CDH23: variants seen among roughly 807,000 people sequenced by gnomAD.
The protein encoded by CDH23 is cadherin-23.
Under a neutral mutation model 317.1 loss-of-function variants are expected in CDH23, and 189 were observed. The observed-to-expected ratio is 0.60, with a 90% confidence interval of 0.53 to 0.67. CDH23 has a LOEUF of 0.67. CDH23 is among the 30% of genes least tolerant of loss of function. The probability of loss-of-function intolerance (pLI) is 0.00; values close to 1 mark genes in which losing one functional copy is unlikely to be tolerated. For synonymous variants in CDH23, 1,839 were observed against 1,876.8 expected, an observed-to-expected ratio of 0.98 and a Z score of 0.52; for missense variants, 4,401 against 4,592.4, an observed-to-expected ratio of 0.96 and a Z score of 1.20.
intron 14 of CDH23, among the ~76,000 whole-genome samples, chr10:71,663,580 T>C (rs554715368): frequency 3.7e-4 from 57 of 152,348 alleles, no homozygotes; most frequent in African/African-American, 1.3e-3. Context: ...TTGCCCCGTG[T>C]GGGAACTGTG....
intron 22 of CDH23, among the ~76,000 whole-genome samples, chr10:71,700,658 C>T (rs1253708516): frequency 2.0e-5 from 3 of 152,150 alleles, no homozygotes; most frequent in East Asian, 1.9e-4. Flanking sequence ...TTTGGTGCTG[C>T]GAGGCTGGGA....
intron 8 of CDH23, among the ~76,000 whole-genome samples, chr10:71,575,084 TCGTAGACA>T (rs1858094156): frequency 6.6e-6 from 1 of 152,050 alleles, no homozygotes; most frequent in Non-Finnish European, 1.5e-5. Context: ...CAGTGGAACA[TCGTAGACA>T]CTCCACTAGT....
intron 3 of CDH23, among the ~76,000 whole-genome samples, chr10:71,452,469 G>A (rs571443080): frequency 3.9e-5 from 6 of 152,198 alleles, no homozygotes; most frequent in African/African-American, 7.2e-5. Context: ...TTGCACTGCC[G>A]TGCCCTCAAC....
intron 22 of CDH23, among the ~76,000 whole-genome samples, chr10:71,696,914 A>T (rs528346889): frequency 2.0e-5 from 3 of 152,238 alleles, no homozygotes; most frequent in African/African-American, 7.2e-5. Context: ...TGGGCACTGC[A>T]CTGGCCCAGG....
chr10:71,664,000 C>CA (rs772733185), intron 14 of CDH23, among the ~76,000 whole-genome samples: 7,762 of 90,360 alleles, frequency 0.086, 670 homozygotes, highest in African/African-American at 0.27. Flanking sequence ...GACTCTGTCT[C>CA]AAAAAAAAAA....
Position 71,677,628 on chromosome 10 carries a change from A to G in CDH23, c.1687A>G (p.Lys563Glu). The G allele has an allele frequency of 6.3e-7, 1 of 1,597,266 alleles. No individual in the cohort carries two copies. The highest frequency in any genetic ancestry group is 8.5e-7 in the Non-Finnish European group (1 of 1,172,326). Reference sequence around the variant, plus strand: ...CAACGACAACGTGCCCACCTTCCAGAAGGATGCCTACGTGGGTGCTCTGCG... The same window carrying G: ...CAACGACAACGTGCCCACCTTCCAGGAGGATGCCTACGTGGGTGCTCTGCG... ...DVNDNVPTFQKDAYVGALREN... is the reference protein window; with the variant it reads ...DVNDNVPTFQEDAYVGALREN... The change falls in exon 16 of 70, where the codon AAG (lysine) becomes GAG (glutamate). Residue 563 changes from lysine to glutamate, a missense_variant. Lys to Glu is a moderately conservative substitution (Grantham distance 56). Coordinates refer to ENST00000224721, the MANE Select transcript of CDH23 (RefSeq NM_022124.6).
chr10:71,814,173 G>C (rs1408325608), intron 69 of CDH23, among the ~76,000 whole-genome samples: 1 of 152,230 alleles, frequency 6.6e-6, no homozygotes, highest in Non-Finnish European at 1.5e-5. Flanking sequence ...GAGGTGATCT[G>C]CTTGAGGCCA....
intron 6 of CDH23, among the ~76,000 whole-genome samples, chr10:71,563,752 T>G (rs1378676819): frequency 6.6e-6 from 1 of 150,556 alleles, no homozygotes; most frequent in Non-Finnish European, 1.5e-5. Flanking sequence ...TTTTCTTTTT[T>G]TTTTTTTCTT....
rs1487599802 is a variant in CDH23, at chr10:71,759,818, T to TACACACACACACACACACAC, written c.4846-17861_4846-17860insCACACACACACACACACACA. ...CAGAGTGAAACCGTGTTTCAGAAAA[T>TACACACACACACACACACAC]ATACACACACACACACACACACACA... On this transcript the variant is annotated intron_variant, in intron 38 of 69. Coordinates refer to ENST00000224721, the MANE Select transcript of CDH23 (RefSeq NM_022124.6). Among the ~76,000 whole-genome samples the TACACACACACACACACACAC allele has an allele frequency of 1.3e-3, 64 of 50,798 alleles. 5 individuals are homozygous for TACACACACACACACACACAC. The highest frequency in any genetic ancestry group is 4.7e-3 in the African/African-American group (62 of 13,304). The allele number at this position is 50,798 out of a possible 152,430, so 33.3% of individuals were successfully genotyped here. A position where few individuals can be genotyped will look rare whatever the true frequency, so the allele number is the denominator to read the frequency against.
chr10:71,724,792 T>C (rs1190747857), intron 29 of CDH23, among the ~76,000 whole-genome samples: 1 of 152,134 alleles, frequency 6.6e-6, no homozygotes, highest in African/African-American at 2.4e-5. Context: ...GAGAATAAAA[T>C]GTGCTGATCC....
chr10:71,594,284 G>A (rs1859691024), intron 9 of CDH23, among the ~76,000 whole-genome samples: 1 of 152,082 alleles, frequency 6.6e-6, no homozygotes, highest in Non-Finnish European at 1.5e-5. Context: ...AAAAATGTTT[G>A]TGGAAATTTG....
intron 1 of CDH23, among the ~76,000 whole-genome samples, chr10:71,401,709 A>G (rs1847789402): frequency 6.6e-6 from 1 of 152,250 alleles, no homozygotes; most frequent in South Asian, 2.1e-4. Context: ...GGCCCCATAG[A>G]GAAGGGGCAA....
rs767908556 is a variant in CDH23 at position 71,791,133 on chromosome 10, TGTG to T, written c.6055_6057del (p.Val2019del). 6.2e-7 allele frequency: 1 copy of T among 1,604,122 alleles called. No individual in the cohort carries two copies. Among genetic ancestry groups the T allele is most frequent in the Non-Finnish European group, 8.5e-7 (1 of 1,175,658 alleles). ...CTGGCTGGCGGCACCGGGTGCCAGG[TGTG>T]GTGACCGTGAGGTCAGGTGTCATCA... On this transcript the variant is annotated inframe_deletion and splice_region_variant, in exon 47 of 70. Transcript: ENST00000224721.
intron 3 of CDH23, among the ~76,000 whole-genome samples, chr10:71,502,211 T>C (rs1589141692): frequency 6.6e-6 from 1 of 152,216 alleles, no homozygotes. Flanking sequence ...GACCACTAGG[T>C]TCTTGGCCCC....
intron 38 of CDH23, chr10:71,749,095 T>G (rs903190246): frequency 3.9e-5 from 6 of 152,122 alleles, no homozygotes; most frequent in African/African-American, 1.4e-4. Flanking sequence ...GCCAAATTCT[T>G]AGAAGTTGTC....
At chr10:71,689,879 T>C (rs4114600) in intron 19 of CDH23, among the ~76,000 whole-genome samples, 87,283 of 152,108 alleles carry the variant, frequency 0.57, 26,001 homozygotes, top group Non-Finnish European at 0.67. Context: ...CAGGAGGGGC[T>C]GGAGCCAGAA....
chr10:71,759,173 G>T (rs1043514397), intron 38 of CDH23, among the ~76,000 whole-genome samples: 1 of 151,990 alleles, frequency 6.6e-6, no homozygotes, highest in African/African-American at 2.4e-5. Context: ...GAGTAGCTGG[G>T]ACTACAGGCG....
At chr10:71,403,394 T>TC (rs1847910955) in intron 1 of CDH23, among the ~76,000 whole-genome samples, 1 of 118,202 alleles carries the variant, frequency 8.5e-6, no homozygotes, top group African/African-American at 3.9e-5. Context: ...TTTCTTTCTT[T>TC]CTTTCTTTCT....
chr10:71,398,475 G>GTGTT (rs1847633140), intron 1 of CDH23, among the ~76,000 whole-genome samples: 1 of 137,580 alleles, frequency 7.3e-6, no homozygotes, highest in African/African-American at 2.8e-5. Context: ...GTGTGTGTGT[G>GTGTT]TTGGGTGGAG....
Sources: gnomAD v4.1 joint callset for allele counts (sites outside exome capture counted in the v4.1 genomes callset) on GRCh38, gnomAD v4.1.1 for gene constraint, MANE v1.5 for transcripts, NCBI Gene and HGNC (gene_info 2026-07-23, HGNC 2026-07-21) for gene names.